XIRP2: variants seen among roughly 807,000 people sequenced by gnomAD.
The protein encoded by XIRP2 is xin actin binding repeat containing 2.
A neutral mutation model predicts 277.0 loss-of-function variants in XIRP2; 236 were observed. The ratio of observed to expected loss-of-function variants is 0.85; its 90% CI spans 0.77 to 0.95. XIRP2 has a LOEUF of 0.95. Among genes scored for constraint, XIRP2 ranks in the 40% least tolerant of loss-of-function variants. The pLI, the probability that XIRP2 is intolerant of heterozygous loss-of-function variation, is 0.00. For missense variants in XIRP2, 4,640 were observed against 4,157.5 expected (o/e 1.12, Z -3.19); for synonymous variants, 1,490 against 1,416.5 (o/e 1.05, Z -1.17).
chr2:166,913,694 A>C (rs1204671739), intron 2 of XIRP2, among the ~76,000 whole-genome samples: 1 of 152,248 alleles, frequency 6.6e-6, no homozygotes, highest in Non-Finnish European at 1.5e-5. Context: ...ACCTCTTGAC[A>C]GAAGGAAATG....
intron 2 of XIRP2, among the ~76,000 whole-genome samples, chr2:167,117,751 C>T (rs1690935753): frequency 6.6e-6 from 1 of 152,196 alleles, no homozygotes; most frequent in African/African-American, 2.4e-5. Context: ...ACCAGCAAAC[C>T]TCTCCAAGGA....
At chr2:166,922,606 A>G (rs1385452328) in intron 2 of XIRP2, among the ~76,000 whole-genome samples, 2 of 152,026 alleles carry the variant, frequency 1.3e-5, no homozygotes, top group African/African-American at 4.8e-5. Context: ...TAAACTCAGC[A>G]GACTCAGAAT....
At chr2:167,153,689 G>C (rs1574302693) in intron 3 of XIRP2, among the ~76,000 whole-genome samples, 1 of 151,904 alleles carries the variant, frequency 6.6e-6, no homozygotes, top group East Asian at 1.9e-4. Context: ...ATAGTTTACT[G>C]AGAATGATGA....
chr2:167,043,744 C>A (rs1337966320), intron 2 of XIRP2, among the ~76,000 whole-genome samples: 1 of 151,950 alleles, frequency 6.6e-6, no homozygotes, highest in Non-Finnish European at 1.5e-5. Flanking sequence ...GATTCACAGC[C>A]AAATTCTACC....
At chr2:167,033,175 C>A (rs893887458) in intron 2 of XIRP2, among the ~76,000 whole-genome samples, 17 of 152,184 alleles carry the variant, frequency 1.1e-4, no homozygotes, top group African/African-American at 4.1e-4. Flanking sequence ...TCATTCTCAG[C>A]AAACTAACAC....
intron 2 of XIRP2, among the ~76,000 whole-genome samples, chr2:167,012,040 T>C (rs1395241880): frequency 6.6e-6 from 1 of 152,132 alleles, no homozygotes; most frequent in African/African-American, 2.4e-5. Context: ...GATTCATTAA[T>C]TTTTTGAAGG....
intron 2 of XIRP2, among the ~76,000 whole-genome samples, chr2:167,079,868 T>C (rs1689680551): frequency 1.3e-5 from 2 of 152,126 alleles, no homozygotes; most frequent in Non-Finnish European, 2.9e-5. Flanking sequence ...TATCTTTTCT[T>C]CTGCTAGCTT....
chr2:166,941,948 C>T (rs780134007), intron 2 of XIRP2, among the ~76,000 whole-genome samples: 5 of 152,122 alleles, frequency 3.3e-5, no homozygotes, highest in East Asian at 3.9e-4. Flanking sequence ...AGCAATATAA[C>T]GTATTTATCT....
chr2:167,030,744 A>G (rs191131438), intron 2 of XIRP2, among the ~76,000 whole-genome samples: 101 of 151,970 alleles, frequency 6.6e-4, no homozygotes, highest in Non-Finnish European at 1.3e-3. Flanking sequence ...TGCGGAGCTG[A>G]GTTCAAGTCC....
chr2:167,222,170 A>G (rs940145782), intron 5 of XIRP2, among the ~76,000 whole-genome samples: 2 of 152,244 alleles, frequency 1.3e-5, no homozygotes, highest in African/African-American at 4.8e-5. Context: ...AAAGGGGTGC[A>G]CAATATAAGA....
chr2:166,996,010 TTA>T (rs1268575663), intron 2 of XIRP2, among the ~76,000 whole-genome samples: 1 of 152,152 alleles, frequency 6.6e-6, no homozygotes, highest in African/African-American at 2.4e-5. Flanking sequence ...GCCCCTCCAT[TTA>T]TATGAGTCTT....
Position 167,250,284 on chromosome 2 carries a change from T to A in XIRP2, c.8892T>A (p.Phe2964Leu), listed in dbSNP as rs761095146. 3 of 1,613,176 alleles carry A rather than the reference T, an allele frequency of 1.9e-6. No homozygotes were observed. Among genetic ancestry groups the A allele is most frequent in the Admixed American group, 3.3e-5 (2 of 59,902 alleles). Residue 2964 changes from phenylalanine (F) to leucine (L), a missense_variant, in exon 9 of 11, where the codon TTT (phenylalanine) becomes TTA (leucine). By Grantham distance (22) the Phe-to-Leu change is conservative (BLOSUM62 0). Coordinates refer to ENST00000409195, the MANE Select transcript of XIRP2 (RefSeq NM_152381.6). ...LQQILSRVKQ[F>L]EAEPNKSGLK... ...AGATTTTGTCGAGAGTGAAACAGTT[T>A]GAAGCAGAGCCAAATAAAAGTGGCC... is the stretch of plus-strand genomic sequence containing the variant.
At chr2:166,916,611 GAAATA>G (rs574569213) in intron 2 of XIRP2, among the ~76,000 whole-genome samples, 84 of 152,198 alleles carry the variant, frequency 5.5e-4, no homozygotes, top group African/African-American at 2.0e-3. Flanking sequence ...GATCTTTGAA[GAAATA>G]AAATATTTCT....
At chr2:166,916,891 C>T (rs945052799) in intron 2 of XIRP2, among the ~76,000 whole-genome samples, 11 of 152,094 alleles carry the variant, frequency 7.2e-5, no homozygotes, top group Non-Finnish European at 4.4e-5. Flanking sequence ...TAATACACCA[C>T]CTAATTTTTC....
chr2:166,941,077 C>T (rs889858339), intron 2 of XIRP2, among the ~76,000 whole-genome samples: 3 of 152,220 alleles, frequency 2.0e-5, no homozygotes, highest in Non-Finnish European at 4.4e-5. Flanking sequence ...CCTCCTTGAG[C>T]TGTGGTGGGC....
chr2:167,022,573 A>AT, intron 2 of XIRP2, among the ~76,000 whole-genome samples: 1 of 152,120 alleles, frequency 6.6e-6, no homozygotes. Flanking sequence ...AGCATTAGGT[A>AT]TATCTCCTAA....
intron 2 of XIRP2, among the ~76,000 whole-genome samples, chr2:167,053,303 A>ATG (rs1188175871): frequency 1.3e-5 from 2 of 152,178 alleles, no homozygotes; most frequent in Non-Finnish European, 2.9e-5. Context: ...ATGTTTACAT[A>ATG]TGTGTTTATT....
At chr2:167,050,009 T>C (rs576116821) in intron 2 of XIRP2, among the ~76,000 whole-genome samples, 1 of 152,180 alleles carries the variant, frequency 6.6e-6, no homozygotes, top group African/African-American at 2.4e-5. Flanking sequence ...TTTTGAATGC[T>C]CACTGAGTTG....
chr2:167,028,288 T>C (rs1474007807), intron 2 of XIRP2, among the ~76,000 whole-genome samples: 1 of 152,012 alleles, frequency 6.6e-6, no homozygotes, highest in Non-Finnish European at 1.5e-5. Context: ...CAAGATAGTA[T>C]GTATGGTTAT....
Sources: gnomAD v4.1 joint callset for allele counts (sites outside exome capture counted in the v4.1 genomes callset) on GRCh38, gnomAD v4.1.1 for gene constraint, MANE v1.5 for transcripts, NCBI Gene and HGNC (gene_info 2026-07-23, HGNC 2026-07-21) for gene names.